The following TRIM9 variants were observed in gnomAD, a reference collection of about 807,000 sequenced individuals.
TRIM9 encodes the protein E3 ubiquitin-protein ligase TRIM9.
Under a neutral mutation model 78.3 loss-of-function variants are expected in TRIM9, and 26 were observed. The ratio of observed to expected loss-of-function variants is 0.33; its 90% confidence interval spans 0.24 to 0.46. The LOEUF is 0.46. Among genes scored for constraint, TRIM9 ranks in the 20% least tolerant of loss-of-function variants. The pLI is 1.00. For missense variants in TRIM9, 787 were observed against 1,036.4 expected, an observed-to-expected ratio of 0.76 and a Z score of 3.30; for synonymous variants, 398 against 416.5, an observed-to-expected ratio of 0.96 and a Z score of 0.54.
At chr14:51,081,546 T>A (rs574455457) in intron 1 of TRIM9, among the ~76,000 whole-genome samples, 19 of 152,280 alleles carry the variant, frequency 1.2e-4, no homozygotes, top group African/African-American at 4.6e-4. Flanking sequence ...GTCCTGCAAT[T>A]CAATCCTATT....
At position 50,981,723 on chromosome 14, in the gene TRIM9, T is replaced by C. The variant is rs1361542777; in HGVS notation, c.2162+77A>G. ...GATTTCCTGAATGTGGTCTATGTAA[T>C]AGGTTTTTGAACTGGGGCTCTCACT... On this transcript the variant is annotated intron_variant, in intron 11 of 12. Transcript: ENST00000684578. 35 of 1,572,622 alleles carry C rather than the reference T, an allele frequency of 2.2e-5. 1 individual carries two copies. The South Asian group carries it at 3.6e-4, about 16-fold the overall frequency.
At chr14:51,005,101 C>T (rs539150383) in intron 5 of TRIM9, among the ~76,000 whole-genome samples, 1 of 152,290 alleles carries the variant, frequency 6.6e-6, no homozygotes, top group South Asian at 2.1e-4. Flanking sequence ...ATTACCGGTA[C>T]ACTGTTAAAG....
chr14:51,044,951 C>G (rs1000621907), intron 1 of TRIM9, among the ~76,000 whole-genome samples: 1 of 152,102 alleles, frequency 6.6e-6, no homozygotes, highest in African/African-American at 2.4e-5. Flanking sequence ...AATATTATAG[C>G]TGTAGTATAC....
chr14:51,066,990 G>C (rs917508605), intron 1 of TRIM9, among the ~76,000 whole-genome samples: 1 of 152,192 alleles, frequency 6.6e-6, no homozygotes, highest in Non-Finnish European at 1.5e-5. Context: ...GCCAAATTTA[G>C]TTTAATTTAA....
chr14:50,979,865 C>A (rs535870264), intron 11 of TRIM9, among the ~76,000 whole-genome samples: 1 of 152,268 alleles, frequency 6.6e-6, no homozygotes, highest in East Asian at 1.9e-4. Flanking sequence ...AGAGTGAACT[C>A]ATTCATTAGG....
intron 1 of TRIM9, among the ~76,000 whole-genome samples, chr14:51,037,590 A>G (rs548710740): frequency 2.0e-5 from 3 of 152,142 alleles, no homozygotes; most frequent in African/African-American, 7.2e-5. Context: ...CTCAACATCC[A>G]ATAATTTCAG....
At chr14:51,064,663 G>A (rs1281681892) in intron 1 of TRIM9, among the ~76,000 whole-genome samples, 1 of 151,236 alleles carries the variant, frequency 6.6e-6, no homozygotes, top group Non-Finnish European at 1.5e-5. Flanking sequence ...GAATGGAAGA[G>A]AGGATATCAC....
At chr14:50,985,751 G>T (rs1365503714) in intron 8 of TRIM9, among the ~76,000 whole-genome samples, 2 of 152,188 alleles carry the variant, frequency 1.3e-5, no homozygotes, top group Non-Finnish European at 2.9e-5. Flanking sequence ...ATGGACCACA[G>T]CTCCATGGTT....
chr14:51,082,270 T>C (rs1003040463), intron 1 of TRIM9, among the ~76,000 whole-genome samples: 10 of 152,156 alleles, frequency 6.6e-5, no homozygotes, highest in Non-Finnish European at 1.3e-4. Flanking sequence ...CTCAAGGTAA[T>C]TGAAAACATG....
chr14:51,048,955 G>A (rs1366491881), intron 1 of TRIM9, among the ~76,000 whole-genome samples: 1 of 148,820 alleles, frequency 6.7e-6, no homozygotes, highest in Non-Finnish European at 1.5e-5. Flanking sequence ...CTGCACTCCA[G>A]CCTAGGTGAC....
At chr14:50,985,819 A>C in intron 8 of TRIM9, 137 bp downstream of exon 8, 1 of 753,292 alleles carries the variant, frequency 1.3e-6, no homozygotes, top group East Asian at 3.2e-5. Context: ...GATGCTCCTC[A>C]TACGGAAAGC....
intron 1 of TRIM9, among the ~76,000 whole-genome samples, chr14:51,052,631 T>A (rs138497251): frequency 3.9e-5 from 6 of 152,238 alleles, no homozygotes; most frequent in African/African-American, 1.4e-4. Context: ...GTAGGAATTC[T>A]GATGCAGGCA....
At chr14:51,016,137 C>G (rs1240137065) in intron 3 of TRIM9, among the ~76,000 whole-genome samples, 1 of 152,150 alleles carries the variant, frequency 6.6e-6, no homozygotes, top group East Asian at 1.9e-4. Context: ...TGCACATCCT[C>G]TTATATACTT....
At chr14:51,068,809 T>C (rs558764272) in intron 1 of TRIM9, among the ~76,000 whole-genome samples, 8 of 152,364 alleles carry the variant, frequency 5.3e-5, no homozygotes, top group African/African-American at 1.9e-4. Flanking sequence ...AGAGCAACTG[T>C]TCTACTGCCA....
chr14:51,006,764 G>A (rs1280774003), intron 5 of TRIM9, among the ~76,000 whole-genome samples: 1 of 152,212 alleles, frequency 6.6e-6, no homozygotes, highest in Non-Finnish European at 1.5e-5. Context: ...AGATGGATTT[G>A]TGCTGGGAGA....
intron 8 of TRIM9, among the ~76,000 whole-genome samples, chr14:50,983,940 C>T (rs977058914): frequency 2.6e-5 from 4 of 152,064 alleles, no homozygotes; most frequent in African/African-American, 4.8e-5. Flanking sequence ...AATGACATGA[C>T]GAATGTGTTA....
chr14:51,009,498 T>C (rs558669266), intron 4 of TRIM9, among the ~76,000 whole-genome samples: 1 of 152,314 alleles, frequency 6.6e-6, no homozygotes, highest in African/African-American at 2.4e-5. Context: ...TCTGAATATA[T>C]GATCATGCTA....
At chr14:51,000,587 G>T in intron 6 of TRIM9, 96 bp downstream of exon 6, 1 of 1,520,112 alleles carries the variant, frequency 6.6e-7, no homozygotes, top group East Asian at 2.3e-5. Flanking sequence ...CCTGTCCCCA[G>T]GAGAGATGGG....
chr14:51,038,751 T>C (rs930923061), intron 1 of TRIM9, among the ~76,000 whole-genome samples: 2 of 152,210 alleles, frequency 1.3e-5, no homozygotes, highest in Non-Finnish European at 2.9e-5. Context: ...CTCCTGCCAA[T>C]CACCAAGAGT....
Sources: allele counts gnomAD v4.1 joint callset (sites outside exome capture counted in the v4.1 genomes callset), GRCh38; gene constraint gnomAD v4.1.1; transcripts MANE v1.5; gene names NCBI Gene and HGNC (gene_info 2026-07-23, HGNC 2026-07-21).